Variants in PCDH9 observed in about 807,000 individuals in gnomAD.
PCDH9 encodes protocadherin-9.
Under a neutral mutation model 70.6 loss-of-function variants are expected in PCDH9, and 24 were observed. The observed-to-expected ratio is 0.34, with a 90% CI of 0.25 to 0.48. PCDH9 has a LOEUF of 0.48. Ranked by LOEUF, PCDH9 falls within the 20% of genes least tolerant of loss-of-function variation. PCDH9 has a pLI of 0.99. For missense variants in PCDH9, 1,281 were observed against 1,503.6 expected (o/e 0.85, Z 2.45); for synonymous variants, 562 against 558.5 (o/e 1.01, Z -0.09).
intron 2 of PCDH9, among the ~76,000 whole-genome samples, chr13:67,060,822 C>A (rs988737251): frequency 1.3e-5 from 2 of 152,036 alleles, no homozygotes; most frequent in African/African-American, 4.8e-5. Context: ...TCCACAATTC[C>A]TCATTACTAG....
intron 3 of PCDH9, among the ~76,000 whole-genome samples, chr13:66,850,393 C>A (rs2081296260): frequency 6.6e-6 from 1 of 152,072 alleles, no homozygotes; most frequent in African/African-American, 2.4e-5. Context: ...GTGGCAGGCA[C>A]CTGTAATCCC....
At chr13:67,201,665 C>A (rs1380002291) in intron 2 of PCDH9, 1 of 151,890 alleles carries the variant, frequency 6.6e-6, no homozygotes, top group African/African-American at 2.4e-5. Flanking sequence ...AATTTGAAAT[C>A]AAAATAGAAA....
intron 4 of PCDH9, among the ~76,000 whole-genome samples, chr13:66,621,526 AAGAACACTGAT>A (rs1391273376): frequency 2.0e-5 from 3 of 152,220 alleles, no homozygotes; most frequent in Non-Finnish European, 4.4e-5. Context: ...TTCCAGTGAA[AAGAACACTGAT>A]AGAGGAGTCG....
chr13:66,408,106 C>A (rs1486447138), intron 4 of PCDH9, among the ~76,000 whole-genome samples: 1 of 144,182 alleles, frequency 6.9e-6, no homozygotes, highest in Non-Finnish European at 1.5e-5. Context: ...GGCCGGACTG[C>A]GGACTGCAGT....
intron 4 of PCDH9, among the ~76,000 whole-genome samples, chr13:66,461,823 T>A (rs2138454877): frequency 6.6e-6 from 1 of 151,972 alleles, no homozygotes; most frequent in African/African-American, 2.4e-5. Context: ...TAGTACCAAA[T>A]AATTATTTTT....
chr13:66,970,099 A>T (rs944321102), intron 2 of PCDH9, among the ~76,000 whole-genome samples: 1 of 152,090 alleles, frequency 6.6e-6, no homozygotes. Flanking sequence ...TTGCAAAGAA[A>T]AACTAGATCA....
intron 3 of PCDH9, among the ~76,000 whole-genome samples, chr13:66,796,163 C>A (rs534690456): frequency 6.6e-6 from 1 of 152,264 alleles, no homozygotes; most frequent in East Asian, 1.9e-4. Flanking sequence ...TTGTGGCTAT[C>A]ATCTGCAGTT....
intron 2 of PCDH9, among the ~76,000 whole-genome samples, chr13:66,906,913 T>G (rs534238842): frequency 6.6e-6 from 1 of 152,276 alleles, no homozygotes; most frequent in East Asian, 1.9e-4. Flanking sequence ...AAGATTTATT[T>G]TAAAAGTCTC....
chr13:66,490,901 C>T (rs1406950941), intron 4 of PCDH9, among the ~76,000 whole-genome samples: 4 of 151,940 alleles, frequency 2.6e-5, no homozygotes, highest in Admixed American at 2.6e-4. Context: ...ATTTCTTTGC[C>T]CAGCATATCT....
At chr13:66,866,208 C>T (rs1395516179) in intron 3 of PCDH9, among the ~76,000 whole-genome samples, 1 of 152,160 alleles carries the variant, frequency 6.6e-6, no homozygotes, top group Non-Finnish European at 1.5e-5. Flanking sequence ...CTCGGCCATG[C>T]GCGGTGACTC....
intron 4 of PCDH9, among the ~76,000 whole-genome samples, chr13:66,413,635 A>G (rs1957410936): frequency 6.6e-6 from 1 of 152,014 alleles, no homozygotes; most frequent in African/African-American, 2.4e-5. Flanking sequence ...GCAGTGAGCC[A>G]AGATGAAGCC....
chr13:66,669,943 GT>G (rs773376027), intron 3 of PCDH9, among the ~76,000 whole-genome samples: 4 of 152,018 alleles, frequency 2.6e-5, no homozygotes, highest in Non-Finnish European at 4.4e-5. Flanking sequence ...TTACTCTTTT[GT>G]TTTTTTGTAA....
At chr13:66,550,232 A>G (rs909588656) in intron 4 of PCDH9, among the ~76,000 whole-genome samples, 1 of 152,122 alleles carries the variant, frequency 6.6e-6, no homozygotes, top group South Asian at 2.1e-4. Context: ...TCAGGAATAA[A>G]TTCAAGTAAT....
intron 2 of PCDH9, among the ~76,000 whole-genome samples, chr13:67,141,878 A>G (rs191224421): frequency 3.9e-4 from 60 of 152,232 alleles, no homozygotes; most frequent in South Asian, 1.0e-3. Flanking sequence ...AGGCAACATG[A>G]TATGGCATCC....
chr13:66,523,539 C>CATAT (rs377191150), intron 4 of PCDH9, among the ~76,000 whole-genome samples: 5 of 150,806 alleles, frequency 3.3e-5, no homozygotes, highest in African/African-American at 1.2e-4. Context: ...ATGAACTTAA[C>CATAT]ATATATATAT....
At chr13:66,587,279 CAG>C (rs1286743328) in intron 4 of PCDH9, among the ~76,000 whole-genome samples, 3 of 152,014 alleles carry the variant, frequency 2.0e-5, no homozygotes, top group Admixed American at 2.0e-4. Flanking sequence ...CTGTGGGAAA[CAG>C]AGTGAGACCC....
chr13:66,758,653 TA>T (rs766100655), intron 3 of PCDH9, among the ~76,000 whole-genome samples: 18 of 152,102 alleles, frequency 1.2e-4, no homozygotes, highest in Admixed American at 2.0e-4. Flanking sequence ...AATTTGCAAA[TA>T]TTTTTTTCTC....
At chr13:66,611,818 G>A (rs2077296543) in intron 4 of PCDH9, among the ~76,000 whole-genome samples, 1 of 152,150 alleles carries the variant, frequency 6.6e-6, no homozygotes, top group Non-Finnish European at 1.5e-5. Flanking sequence ...CATAATTGAA[G>A]ACTTATTATT....
intron 2 of PCDH9, among the ~76,000 whole-genome samples, chr13:67,042,574 T>A (rs1306273020): frequency 6.6e-6 from 1 of 152,168 alleles, no homozygotes; most frequent in Non-Finnish European, 1.5e-5. Flanking sequence ...AGCAGTTAAT[T>A]CTCTGAAATT....
Sources: allele counts gnomAD v4.1 joint callset (sites outside exome capture counted in the v4.1 genomes callset), GRCh38; gene constraint gnomAD v4.1.1; transcripts MANE v1.5; gene names NCBI Gene and HGNC (gene_info 2026-07-23, HGNC 2026-07-21).